The following GABRB2 variants were observed in gnomAD, a reference collection of about 807,000 sequenced individuals.
The protein encoded by GABRB2 is gamma-aminobutyric acid receptor subunit beta-2.
GABRB2 carries 16 observed loss-of-function variants against 54.7 expected under a neutral mutation model. That is an observed-to-expected ratio of 0.29 (90% confidence interval 0.20 to 0.44). GABRB2 has a LOEUF of 0.44. Among genes scored for constraint, GABRB2 ranks in the 20% least tolerant of loss-of-function variants. GABRB2 has a pLI of 1.00. For synonymous variants in GABRB2, 244 were observed against 233.8 expected (o/e 1.04, Z -0.40); for missense variants, 355 against 644.0 (o/e 0.55, Z 4.86).
intron 5 of GABRB2, among the ~76,000 whole-genome samples, chr5:161,372,896 C>A (rs923053997): frequency 2.0e-5 from 3 of 152,140 alleles, no homozygotes; most frequent in African/African-American, 7.2e-5. Flanking sequence ...CTAAGCTCTC[C>A]TGCATTAAAA....
At chr5:161,404,286 T>G (rs1205378009) in intron 5 of GABRB2, among the ~76,000 whole-genome samples, 3 of 152,060 alleles carry the variant, frequency 2.0e-5, no homozygotes, top group Non-Finnish European at 4.4e-5. Context: ...AATATCAAAA[T>G]AGGACAGTGA....
chr5:161,517,545 G>A (rs925051143), intron 3 of GABRB2, among the ~76,000 whole-genome samples: 1 of 152,038 alleles, frequency 6.6e-6, no homozygotes, highest in African/African-American at 2.4e-5. Context: ...CATCCTCATT[G>A]TTGCCTGGAA....
intron 3 of GABRB2, among the ~76,000 whole-genome samples, chr5:161,515,281 T>A (rs539724263): frequency 2.8e-4 from 43 of 152,160 alleles, no homozygotes; most frequent in Middle Eastern, 6.8e-3. Flanking sequence ...TAGAATTTTT[T>A]AAAAAAAATT....
At chr5:161,472,541 A>G (rs1217413436) in intron 3 of GABRB2, among the ~76,000 whole-genome samples, 1 of 151,840 alleles carries the variant, frequency 6.6e-6, no homozygotes, top group African/African-American at 2.4e-5. Flanking sequence ...GGGGAGATGA[A>G]TGTCAGTCCC....
At chr5:161,511,305 A>C (rs1228474467) in intron 3 of GABRB2, among the ~76,000 whole-genome samples, 3 of 151,964 alleles carry the variant, frequency 2.0e-5, no homozygotes, top group Non-Finnish European at 4.4e-5. Context: ...TGACCTTTAA[A>C]TTGTTCTTTT....
Position 161,295,314 on chromosome 5 carries a change from GA to G in GABRB2, c.1192-887del, listed in dbSNP as rs1392090697. ...TCTTCTTGCAAAGCTAAAAGCAAAG[GA>G]TAAATAGATATCATGATTCCCAAAC... On this transcript the variant is annotated intron_variant, in intron 9 of 9. Transcript: ENST00000393959. 3.3e-5 allele frequency among the ~76,000 whole-genome samples: 5 copies of G among 152,252 alleles called. No individual in the cohort carries two copies. The East Asian group carries it at 7.7e-4, about 23-fold the overall frequency.
intron 4 of GABRB2, among the ~76,000 whole-genome samples, chr5:161,412,307 G>T (rs1756536847): frequency 6.6e-6 from 1 of 152,116 alleles, no homozygotes. Flanking sequence ...ATTAAGGTTT[G>T]TGCTCTGTTA....
chr5:161,389,861 T>C (rs191386800), intron 5 of GABRB2, among the ~76,000 whole-genome samples: 2 of 152,074 alleles, frequency 1.3e-5, no homozygotes, highest in East Asian at 3.9e-4. Flanking sequence ...GTAAACAGGA[T>C]GGCTTTTGGA....
At chr5:161,495,199 T>G (rs1207354035) in intron 3 of GABRB2, among the ~76,000 whole-genome samples, 2 of 151,998 alleles carry the variant, frequency 1.3e-5, no homozygotes, top group African/African-American at 4.8e-5. Flanking sequence ...TCAGATCATC[T>G]GAACACTGTT....
At chr5:161,373,879 C>T (rs1320965623) in intron 5 of GABRB2, among the ~76,000 whole-genome samples, 1 of 151,564 alleles carries the variant, frequency 6.6e-6, no homozygotes, top group East Asian at 1.9e-4. Context: ...TCTTTACCAT[C>T]TCCTTCACGT....
rs534837365 is a variant in GABRB2, at chr5:161,359,691, T to C, written c.542-22922A>G. 1.2e-4 allele frequency among the ~76,000 whole-genome samples: 18 copies of C among 152,332 alleles called. No individual in the cohort carries two copies. In the South Asian group the frequency reaches 3.5e-3, roughly 30 times the overall value. On this transcript the variant is annotated intron_variant, in intron 5 of 9. Coordinates refer to ENST00000393959, the MANE Select transcript of GABRB2 (RefSeq NM_001371727.1). The stretch of plus-strand genomic sequence containing the variant: ...TGAATTATTTTTATCCTCTCTCTGA[T>C]TTATAAACTGTTGATAACTGGGATT...
At chr5:161,461,146 T>C (rs1758108734) in intron 3 of GABRB2, among the ~76,000 whole-genome samples, 1 of 152,126 alleles carries the variant, frequency 6.6e-6, no homozygotes, top group Non-Finnish European at 1.5e-5. Context: ...CTTATTATGG[T>C]AGTAATTGTA....
At position 161,383,817 on chromosome 5, in the gene GABRB2, C is replaced by T. The variant is rs73797595; in HGVS notation, c.541+27158G>A. 4.5e-3 allele frequency among the ~76,000 whole-genome samples: 688 copies of T among 152,300 alleles called. 8 individuals carry two copies. Among genetic ancestry groups the T allele is most frequent in the African/African-American group, 0.014 (594 of 41,568 alleles). ...GAAATTAGCAATACTTGCTGAATGA[C>T]GCTGAACATGTAGTTGACAAGGTTA... is the stretch of plus-strand genomic sequence containing the variant. On this transcript the variant is annotated intron_variant, in intron 5 of 9. Coordinates refer to ENST00000393959, the MANE Select transcript of GABRB2 (RefSeq NM_001371727.1).
chr5:161,369,374 T>C (rs991559141), intron 5 of GABRB2, among the ~76,000 whole-genome samples: 3 of 152,212 alleles, frequency 2.0e-5, no homozygotes, highest in Non-Finnish European at 2.9e-5. Flanking sequence ...GATAAGAATA[T>C]GCATTAAGAT....
intron 4 of GABRB2, among the ~76,000 whole-genome samples, chr5:161,454,220 C>T (rs1266161163): frequency 6.6e-6 from 1 of 152,126 alleles, no homozygotes; most frequent in Non-Finnish European, 1.5e-5. Flanking sequence ...AACTGAGGCG[C>T]TTGCCTTGGG....
chr5:161,303,508 A>G (rs1368550727), intron 9 of GABRB2, among the ~76,000 whole-genome samples: 1 of 152,164 alleles, frequency 6.6e-6, no homozygotes, highest in East Asian at 1.9e-4. Flanking sequence ...AAGTGGGTAA[A>G]TCAAGTGAAC....
At chr5:161,423,382 A>T (rs1330917123) in intron 4 of GABRB2, among the ~76,000 whole-genome samples, 1 of 152,138 alleles carries the variant, frequency 6.6e-6, no homozygotes. Context: ...ATTTTGTGGT[A>T]ACCATGTGTC....
At chr5:161,492,206 C>A (rs1366223174) in intron 3 of GABRB2, among the ~76,000 whole-genome samples, 1 of 151,496 alleles carries the variant, frequency 6.6e-6, no homozygotes, top group Non-Finnish European at 1.5e-5. Context: ...TTTCATCATG[C>A]CTATAATCCA....
At chr5:161,318,369 T>C (rs1363528237) in intron 9 of GABRB2, among the ~76,000 whole-genome samples, 1 of 152,032 alleles carries the variant, frequency 6.6e-6, no homozygotes, top group Non-Finnish European at 1.5e-5. Context: ...AGAAAAATAT[T>C]TCAATCTTTG....
Sources: gnomAD v4.1 joint callset for allele counts (sites outside exome capture counted in the v4.1 genomes callset) on GRCh38, gnomAD v4.1.1 for gene constraint, MANE v1.5 for transcripts, NCBI Gene and HGNC (gene_info 2026-07-23, HGNC 2026-07-21) for gene names.